CUEDC1: variants seen among roughly 807,000 people sequenced by gnomAD.
CUEDC1 encodes CUE domain-containing protein 1.
CUEDC1 carries 30 observed loss-of-function variants against 43.7 expected under a neutral mutation model. That is an observed-to-expected ratio of 0.69 (90% CI 0.51 to 0.93). The LOEUF (loss-of-function observed/expected upper bound fraction) is 0.93. Among genes scored for constraint, CUEDC1 ranks in the 40% least tolerant of loss-of-function variants. The pLI, the probability that CUEDC1 is intolerant of heterozygous loss-of-function variation, is 0.00. For missense variants in CUEDC1, 486 were observed against 549.0 expected, an observed-to-expected ratio of 0.89 and a Z score of 1.15; for synonymous variants, 223 against 223.6, an observed-to-expected ratio of 1.00 and a Z score of 0.02.
In CUEDC1 at chr17:57,869,551, C is replaced by A. The variant is rs374701310; in HGVS notation, c.869-358G>T. 4.6e-5 allele frequency among the ~76,000 whole-genome samples: 7 copies of A among 152,290 alleles called. No individual in the cohort carries two copies. The South Asian group carries it at 1.0e-3, about 23-fold the overall frequency. Reference sequence around the variant, plus strand: ...CACCAAGCACTACATATCAGGCTCCCGCTGCACCCAGAGTTGGCTGTGAAA... The same window carrying A: ...CACCAAGCACTACATATCAGGCTCCAGCTGCACCCAGAGTTGGCTGTGAAA... On this transcript the variant is annotated intron_variant, in intron 6 of 10. Coordinates refer to ENST00000577830, the MANE Select transcript of CUEDC1 (RefSeq NM_001271875.2).
chr17:57,906,809 T>C (rs916912569), intron 1 of CUEDC1, among the ~76,000 whole-genome samples: 1 of 151,726 alleles, frequency 6.6e-6, no homozygotes, highest in Non-Finnish European at 1.5e-5. Flanking sequence ...TCGTCTCTAC[T>C]AAAAATATAA....
chr17:57,874,347 G>T (rs1019817103), intron 3 of CUEDC1, among the ~76,000 whole-genome samples: 1 of 152,202 alleles, frequency 6.6e-6, no homozygotes, highest in Non-Finnish European at 1.5e-5. Flanking sequence ...GTGCTGGGGA[G>T]CCCCTCAGGA....
intron 6 of CUEDC1, among the ~76,000 whole-genome samples, chr17:57,870,616 G>A (rs1467149461): frequency 6.6e-6 from 1 of 151,956 alleles, no homozygotes; most frequent in Non-Finnish European, 1.5e-5. Flanking sequence ...GCTTCCCCAG[G>A]ACACAGACCA....
At chr17:57,894,514 T>C (rs925936248) in intron 1 of CUEDC1, among the ~76,000 whole-genome samples, 36 of 151,756 alleles carry the variant, frequency 2.4e-4, no homozygotes, top group Admixed American at 5.9e-4. Flanking sequence ...CTACTGAAAA[T>C]ACAAAAATTA....
chr17:57,874,987 C>T (rs2074095864), intron 3 of CUEDC1, among the ~76,000 whole-genome samples: 1 of 152,166 alleles, frequency 6.6e-6, no homozygotes, highest in Non-Finnish European at 1.5e-5. Flanking sequence ...CACCCTCTCC[C>T]TGCACAGACA....
intron 1 of CUEDC1, among the ~76,000 whole-genome samples, chr17:57,934,559 TAAAAAAAA>T (rs575832390): frequency 4.6e-5 from 3 of 65,366 alleles, no homozygotes; most frequent in East Asian, 5.5e-4. Context: ...CCTGTCTCTC[TAAAAAAAA>T]AAAAAAAAAA....
In CUEDC1 at chr17:57,910,733, AC is replaced by A. The variant is rs1366519858; in HGVS notation, c.-315-24855del. Reference sequence around the variant, plus strand: ...TCCTGGATGGTACAACTCTGTGAACACCCCCTTTTTCTTCCTTTCTTATATT... The same window carrying A: ...TCCTGGATGGTACAACTCTGTGAACACCCCTTTTTCTTCCTTTCTTATATT... On this transcript the variant is annotated intron_variant, in intron 1 of 10. Coordinates refer to ENST00000577830, the MANE Select transcript of CUEDC1 (RefSeq NM_001271875.2). Among the ~76,000 whole-genome samples, 8 of 152,146 alleles carry A rather than the reference AC, an allele frequency of 5.3e-5. No individual in the cohort carries two copies. In the South Asian group the frequency reaches 8.3e-4, roughly 16 times the overall value.
intron 1 of CUEDC1, among the ~76,000 whole-genome samples, chr17:57,914,293 G>C (rs1651181665): frequency 6.6e-6 from 1 of 152,226 alleles, no homozygotes; most frequent in South Asian, 2.1e-4. Flanking sequence ...GTGTGCCAGA[G>C]AGAGAAGCCT....
At chr17:57,875,300 C>T (rs2074103811) in intron 3 of CUEDC1, among the ~76,000 whole-genome samples, 1 of 152,190 alleles carries the variant, frequency 6.6e-6, no homozygotes, top group South Asian at 2.1e-4. Context: ...CCCAGGAAAG[C>T]AGTGGAGGGA....
intron 2 of CUEDC1, among the ~76,000 whole-genome samples, chr17:57,880,838 C>CAAGTGATT (rs2074194571): frequency 7.0e-6 from 1 of 141,986 alleles, no homozygotes; most frequent in African/African-American, 3.0e-5. Flanking sequence ...AACTCCTGAT[C>CAAGTGATT]CACCATAGGG....
chr17:57,880,273 G>A (rs1040185640), intron 2 of CUEDC1, among the ~76,000 whole-genome samples: 7 of 152,168 alleles, frequency 4.6e-5, no homozygotes, highest in African/African-American at 1.2e-4. Flanking sequence ...GTACCTCCAC[G>A]TCTCTGATCT....
intron 1 of CUEDC1, among the ~76,000 whole-genome samples, chr17:57,904,734 A>G (rs1597998656): frequency 6.6e-6 from 1 of 152,162 alleles, no homozygotes; most frequent in Middle Eastern, 3.4e-3. Context: ...AAATGGCCCT[A>G]GGGGCTAGGC....
intron 1 of CUEDC1, among the ~76,000 whole-genome samples, chr17:57,940,639 C>T (rs1169326197): frequency 6.6e-6 from 1 of 152,286 alleles, no homozygotes; most frequent in South Asian, 2.1e-4. Flanking sequence ...GCAGCATAAT[C>T]CAGCCTCTCC....
chr17:57,936,746 T>A (rs2074865312), intron 1 of CUEDC1, among the ~76,000 whole-genome samples: 1 of 151,706 alleles, frequency 6.6e-6, no homozygotes, highest in Non-Finnish European at 1.5e-5. Context: ...TCCTCTAGCC[T>A]CCTATCTATC....
chr17:57,918,640 G>A (rs770984999), intron 1 of CUEDC1, among the ~76,000 whole-genome samples: 1 of 152,142 alleles, frequency 6.6e-6, no homozygotes, highest in Non-Finnish European at 1.5e-5. Flanking sequence ...GAGTTTTTCC[G>A]ACACAAAGTA....
At chr17:57,937,363 C>A (rs1459069271) in intron 1 of CUEDC1, among the ~76,000 whole-genome samples, 1 of 152,050 alleles carries the variant, frequency 6.6e-6, no homozygotes, top group Non-Finnish European at 1.5e-5. Flanking sequence ...GTCATCCCAA[C>A]ACTTTGGGAA....
At chr17:57,933,168 A>G (rs2074825587) in intron 1 of CUEDC1, among the ~76,000 whole-genome samples, 1 of 151,660 alleles carries the variant, frequency 6.6e-6, no homozygotes, top group African/African-American at 2.4e-5. Context: ...GGCCCCACCC[A>G]GCACTAGCAG....
At chr17:57,951,805 G>A (rs2075010040) in intron 1 of CUEDC1, among the ~76,000 whole-genome samples, 1 of 152,134 alleles carries the variant, frequency 6.6e-6, no homozygotes, top group Non-Finnish European at 1.5e-5. Flanking sequence ...CCTTGGTGCT[G>A]CCACAATGCA....
At chr17:57,912,342 G>C (rs150057514) in intron 1 of CUEDC1, 1 of 152,192 alleles carries the variant, frequency 6.6e-6, no homozygotes, top group South Asian at 2.1e-4. Context: ...ACAGATGTTC[G>C]GGCAGGCAGG....
Sources: allele counts gnomAD v4.1 joint callset (sites outside exome capture counted in the v4.1 genomes callset), GRCh38; gene constraint gnomAD v4.1.1; transcripts MANE v1.5; gene names NCBI Gene and HGNC (gene_info 2026-07-23, HGNC 2026-07-21).